CLMN: variants seen among roughly 807,000 people sequenced by gnomAD.
CLMN encodes the protein calmin (calponin-like, transmembrane).
Under a neutral mutation model 92.7 loss-of-function variants are expected in CLMN, and 57 were observed. The observed-to-expected ratio is 0.61, with a 90% confidence interval of 0.50 to 0.77. The LOEUF (loss-of-function observed/expected upper bound fraction) is 0.77. Among genes scored for constraint, CLMN ranks in the 30% least tolerant of loss-of-function variants. The pLI is 0.00. For synonymous variants in CLMN, 466 were observed against 470.6 expected (o/e 0.99, Z 0.13); for missense variants, 1,158 against 1,237.5 (o/e 0.94, Z 0.96).
Position 95,287,497 on chromosome 14 carries a change from G to A in CLMN, c.82+32214C>T, listed in dbSNP as rs143315388. On this transcript the variant is annotated intron_variant, in intron 1 of 12. Coordinates refer to ENST00000298912, the MANE Select transcript of CLMN (RefSeq NM_024734.4). ...CTTGGAGAGGGAGAGAGGAGGGTCTGAGAGCAGCACCCTTCCTGCAGTGCC... is the reference window on the plus strand; with the variant it reads ...CTTGGAGAGGGAGAGAGGAGGGTCTAAGAGCAGCACCCTTCCTGCAGTGCC... 9.5e-3 allele frequency among the ~76,000 whole-genome samples: 1,447 copies of A among 152,318 alleles called. 16 individuals are homozygous for A. The highest frequency in any genetic ancestry group is 0.041 in the Middle Eastern group (12 of 294).
intron 1 of CLMN, among the ~76,000 whole-genome samples, chr14:95,280,392 T>C (rs1265722470): frequency 6.6e-6 from 1 of 152,178 alleles, no homozygotes; most frequent in Non-Finnish European, 1.5e-5. Context: ...TAAAAGATAA[T>C]AAAAGATTTT....
chr14:95,313,067 A>C (rs538951986), intron 1 of CLMN, among the ~76,000 whole-genome samples: 3 of 152,278 alleles, frequency 2.0e-5, no homozygotes, highest in East Asian at 3.9e-4. Context: ...TTAGCTGGGC[A>C]TGGTGGCGCA....
intron 1 of CLMN, among the ~76,000 whole-genome samples, chr14:95,289,496 A>C (rs927179486): frequency 2.7e-5 from 3 of 110,842 alleles, no homozygotes; most frequent in Non-Finnish European, 3.7e-5. Flanking sequence ...TAAATAAATA[A>C]ATAAATAAAT....
At chr14:95,234,024 G>A (rs1017146701) in intron 1 of CLMN, among the ~76,000 whole-genome samples, 4 of 152,204 alleles carry the variant, frequency 2.6e-5, no homozygotes, top group Non-Finnish European at 5.9e-5. Context: ...AAACTGGGAC[G>A]CATTGCTCAA....
intron 1 of CLMN, among the ~76,000 whole-genome samples, chr14:95,245,562 AGATGGATGGATGAATGGATGGGTGGGTG>A (rs1476731188): frequency 1.0e-5 from 1 of 95,420 alleles, no homozygotes; most frequent in African/African-American, 5.5e-5. Flanking sequence ...GTGGATGGAG[AGATGGATGGATGAATGGATGGGTGGGTG>A]GATGGATGGA....
chr14:95,231,864 G>A (rs1447767337), intron 1 of CLMN, among the ~76,000 whole-genome samples: 1 of 152,158 alleles, frequency 6.6e-6, no homozygotes, highest in Non-Finnish European at 1.5e-5. Context: ...TTGCTATATG[G>A]CAGGCACTTA....
At chr14:95,242,144 G>C (rs1898266438) in intron 1 of CLMN, among the ~76,000 whole-genome samples, 1 of 145,372 alleles carries the variant, frequency 6.9e-6, no homozygotes, top group Non-Finnish European at 1.5e-5. Context: ...TGGTCATCTG[G>C]GGAAATTTGA....
chr14:95,309,626 G>T (rs1387154340), intron 1 of CLMN, among the ~76,000 whole-genome samples: 1 of 152,222 alleles, frequency 6.6e-6, no homozygotes, highest in Non-Finnish European at 1.5e-5. Context: ...CCTGCCCTTT[G>T]TCAGGAAGCC....
intron 8 of CLMN, among the ~76,000 whole-genome samples, 193 bp from the exon 9 acceptor site, chr14:95,204,656 A>C (rs975768340): frequency 6.6e-6 from 1 of 152,188 alleles, no homozygotes; most frequent in Non-Finnish European, 1.5e-5. Flanking sequence ...ATGGTTAGAG[A>C]AGACTCTTGT....
At chr14:95,200,007 C>T (rs1424521815) in intron 9 of CLMN, among the ~76,000 whole-genome samples, 1 of 151,828 alleles carries the variant, frequency 6.6e-6, no homozygotes, top group Non-Finnish European at 1.5e-5. Flanking sequence ...GAGACTTGTG[C>T]TTTAGGGTCA....
intron 1 of CLMN, among the ~76,000 whole-genome samples, chr14:95,308,701 G>T (rs1157922236): frequency 1.2e-5 from 1 of 86,224 alleles, no homozygotes; most frequent in Non-Finnish European, 2.6e-5. Context: ...AACCAATAAA[G>T]GCAGTCCCTG....
intron 2 of CLMN, among the ~76,000 whole-genome samples, chr14:95,229,263 G>C (rs1455553185): frequency 6.6e-6 from 1 of 152,118 alleles, no homozygotes; most frequent in Non-Finnish European, 1.5e-5. Context: ...TTCTCACCCA[G>C]AGCTGTTCAT....
intron 2 of CLMN, among the ~76,000 whole-genome samples, chr14:95,229,751 A>G (rs1310170039): frequency 3.3e-5 from 5 of 152,192 alleles, no homozygotes; most frequent in African/African-American, 9.6e-5. Context: ...GGGTCTGGCA[A>G]TCAAGATGCG....
intron 2 of CLMN, among the ~76,000 whole-genome samples, chr14:95,228,453 G>A (rs1035797407): frequency 3.9e-5 from 6 of 152,282 alleles, no homozygotes; most frequent in East Asian, 3.9e-4. Context: ...GTGGCACTGC[G>A]TCACATGTTC....
chr14:95,272,737 ATGGT>A (rs1899762483), intron 1 of CLMN, among the ~76,000 whole-genome samples: 4 of 152,232 alleles, frequency 2.6e-5, no homozygotes, highest in African/African-American at 9.6e-5. Context: ...CACGGAGTTC[ATGGT>A]GTAGTGGGAC....
rs1199473418 is a variant in CLMN at position 95,214,358 on chromosome 14, T to TTTTTTC, written c.418-950_418-949insGAAAAA. 1.1e-4 allele frequency among the ~76,000 whole-genome samples: 16 copies of TTTTTTC among 149,042 alleles called. 1 individual carries two copies. The highest frequency in any genetic ancestry group is 5.3e-4 in the Admixed American group (8 of 14,978). On this transcript the variant is annotated intron_variant, in intron 5 of 12. Coordinates refer to ENST00000298912, the MANE Select transcript of CLMN (RefSeq NM_024734.4). ...GGCTGCTGCTGCTTTTTTTTTTTTT[T>TTTTTTC]TTTTTTTTTGAGACAGGATCTCATT...
intron 1 of CLMN, among the ~76,000 whole-genome samples, chr14:95,261,766 C>G (rs1044912993): frequency 2.0e-5 from 3 of 152,250 alleles, no homozygotes; most frequent in African/African-American, 7.2e-5. Context: ...CTCCTCTCAT[C>G]TGCCCATTGG....
At chr14:95,263,049 C>T (rs541808220) in intron 1 of CLMN, among the ~76,000 whole-genome samples, 13 of 152,196 alleles carry the variant, frequency 8.5e-5, no homozygotes, top group Admixed American at 1.3e-4. Context: ...AACTGCCCAG[C>T]GCATATGTGG....
chr14:95,316,204 C>A (rs1901762798), intron 1 of CLMN, among the ~76,000 whole-genome samples: 1 of 152,252 alleles, frequency 6.6e-6, no homozygotes, highest in Non-Finnish European at 1.5e-5. Context: ...CCTGCCTTCC[C>A]ACATGGCTCC....
Sources: allele counts gnomAD v4.1 joint callset (sites outside exome capture counted in the v4.1 genomes callset), GRCh38; gene constraint gnomAD v4.1.1; transcripts MANE v1.5; gene names NCBI Gene and HGNC (gene_info 2026-07-23, HGNC 2026-07-21).